Variants in CFAP119 observed in about 807,000 individuals in gnomAD.
CFAP119 encodes cilia and flagella associated protein 119, also known as cilia- and flagella-associated protein 119.
the CFAP119 span, chr16:30,759,611 C>T: frequency 6.8e-6 from 11 of 1,613,948 alleles, no homozygotes; most frequent in East Asian, 6.7e-5. Flanking sequence ...GAGACCTTGT[C>T]TGGGGATGGG....
the CFAP119 span, chr16:30,762,038 G>C: frequency 4.1e-6 from 2 of 482,500 alleles, no homozygotes; most frequent in Non-Finnish European, 7.3e-6. Flanking sequence ...CCACCTGGGC[G>C]CCCTCTCTTC....
chr16:30,760,790 C>A, the CFAP119 span: 1 of 839,402 alleles, frequency 1.2e-6, no homozygotes, highest in South Asian at 1.5e-5. Context: ...TGCCAGCTTG[C>A]TGTGTGACTA....
the CFAP119 span, chr16:30,757,598 G>C: frequency 6.2e-7 from 1 of 1,614,114 alleles, no homozygotes; most frequent in Non-Finnish European, 8.5e-7. Context: ...CCCTGGAGCT[G>C]CTCCAGCTCT....
chr16:30,761,275 C>T, the CFAP119 span: 9 of 1,613,052 alleles, frequency 5.6e-6, no homozygotes, highest in Admixed American at 3.3e-5. Context: ...GGTGTCCTGG[C>T]CCGTAGCGAA....
the CFAP119 span, chr16:30,757,911 T>A: frequency 1.1e-6 from 1 of 944,126 alleles, no homozygotes; most frequent in East Asian, 3.5e-5. Flanking sequence ...ATTTAACCTA[T>A]CTGTGCCTCA....
chr16:30,758,113 C>G, the CFAP119 span: 1 of 152,248 alleles, frequency 6.6e-6, no homozygotes, highest in Non-Finnish European at 1.5e-5. Context: ...GCTTTATCCC[C>G]CAGGCTGGAG....
At chr16:30,757,824 G>C in the CFAP119 span, 4 of 1,413,450 alleles carry the variant, frequency 2.8e-6, no homozygotes, top group African/African-American at 4.3e-5. Flanking sequence ...AGAGGTAGTT[G>C]GGTAGGGTGG....
At chr16:30,758,917 TA>T in the CFAP119 span, 3 of 1,539,454 alleles carry the variant, frequency 1.9e-6, no homozygotes, top group Non-Finnish European at 1.7e-6. Flanking sequence ...GGACTCTGAC[TA>T]AAAACAAAAA....
chr16:30,758,967 A>G, the CFAP119 span: 8 of 1,611,624 alleles, frequency 5.0e-6, no homozygotes, highest in Admixed American at 1.3e-4. Flanking sequence ...TTCATTCTAC[A>G]CCTGCTCAGA....
At chr16:30,758,909 ACT>A in the CFAP119 span, 1 of 1,525,940 alleles carries the variant, frequency 6.6e-7, no homozygotes, top group Non-Finnish European at 8.8e-7. Context: ...TAGAGAAAGG[ACT>A]CTGACTAAAA....
the CFAP119 span, chr16:30,757,491 C>G: frequency 6.2e-7 from 1 of 1,613,884 alleles, no homozygotes; most frequent in Non-Finnish European, 8.5e-7. Context: ...TGGTCTTGCT[C>G]TTGCCTTTAC....
chr16:30,760,293 C>T, the CFAP119 span: 3 of 1,614,210 alleles, frequency 1.9e-6, no homozygotes, highest in Middle Eastern at 1.6e-4. Flanking sequence ...CCAATACAAG[C>T]CTTGTGAAGA....
chr16:30,758,507 G>T, the CFAP119 span: 1 of 190,258 alleles, frequency 5.3e-6, no homozygotes, highest in African/African-American at 2.4e-5. Flanking sequence ...ACCGTCATTG[G>T]CTTTCTAATG....
At chr16:30,759,863 G>A in the CFAP119 span, 4 of 1,458,562 alleles carry the variant, frequency 2.7e-6, no homozygotes, top group Admixed American at 2.8e-5. Flanking sequence ...CTTAACTCAT[G>A]TAACAAATAC....
chr16:30,757,633 G>A, the CFAP119 span: 1 of 1,613,618 alleles, frequency 6.2e-7, no homozygotes, highest in South Asian at 1.1e-5. Flanking sequence ...CTTGATGTAG[G>A]CTCGGAGGAC....
At chr16:30,759,912 C>A in the CFAP119 span, 3 of 1,438,804 alleles carry the variant, frequency 2.1e-6, no homozygotes, top group Non-Finnish European at 2.7e-6. Flanking sequence ...GTTTTCGGCA[C>A]TGAACAAGAC....
At chr16:30,757,645 T>TG in the CFAP119 span, 4 of 1,612,476 alleles carry the variant, frequency 2.5e-6, no homozygotes, top group Non-Finnish European at 3.4e-6. Flanking sequence ...TCGGAGGACG[T>TG]GGATGTGGCC....
chr16:30,757,688 A>G, the CFAP119 span: 90 of 1,578,526 alleles, frequency 5.7e-5, no homozygotes, highest in East Asian at 1.9e-3. Flanking sequence ...CAGGGTGAGG[A>G]GAGATGCTGT....
chr16:30,761,691 G>A, the CFAP119 span: 1 of 1,535,708 alleles, frequency 6.5e-7, no homozygotes, highest in Non-Finnish European at 8.7e-7. Context: ...TCGGAGAGAT[G>A]TTCAAGCTCC....
Sources: gnomAD v4.1 joint callset for allele counts on GRCh38, gnomAD v4.1.1 for gene constraint, MANE v1.5 for transcripts, NCBI Gene and HGNC (gene_info 2026-07-23, HGNC 2026-07-21) for gene names.